The following ITIH3 variants were observed in gnomAD, a reference collection of about 807,000 sequenced individuals.
ITIH3 encodes inter-alpha-trypsin inhibitor heavy chain 3.
ITIH3 carries 81 observed loss-of-function variants against 96.5 expected under a neutral mutation model. That is an observed-to-expected ratio of 0.84 (90% CI 0.70 to 1.01). The LOEUF is 1.01. ITIH3 is among the 50% of genes least tolerant of loss of function. The pLI is 0.00. For missense variants in ITIH3, 1,057 were observed against 1,139.3 expected (o/e 0.93, Z 1.04); for synonymous variants, 422 against 445.2 (o/e 0.95, Z 0.66).
Position 52,797,131 on chromosome 3 carries a change from TCA to T in ITIH3, c.416_417del (p.Thr139SerfsTer37), listed in dbSNP as rs759933807. 3.7e-6 allele frequency: 6 copies of T among 1,609,872 alleles called. No homozygotes were observed. The South Asian group carries it at 6.7e-5, about 18-fold the overall frequency. On this transcript the variant is annotated frameshift_variant, in exon 5 of 22. Transcript: ENST00000449956. LOFTEE classifies it high-confidence loss of function. ...GCCTCTGGGAGGAAGTTGGAGAAGT[TCA>T]CAGTCTCGGTCAACGTGGCTGCAGG...
intron 5 of ITIH3, 33 bp from the exon 6 acceptor site, chr3:52,797,784 C>A: frequency 7.1e-7 from 1 of 1,417,790 alleles, no homozygotes; most frequent in Non-Finnish European, 9.8e-7. Flanking sequence ...TCTGAGGTCA[C>A]TGAGTGACAT....
intron 1 of ITIH3, among the ~76,000 whole-genome samples, chr3:52,795,117 C>T (rs1448447973): frequency 2.0e-5 from 3 of 152,222 alleles, no homozygotes; most frequent in Non-Finnish European, 4.4e-5. Flanking sequence ...GCCTCAGCTT[C>T]CCCACCTGTC....
intron 5 of ITIH3, among the ~76,000 whole-genome samples, 151 bp downstream of exon 5, chr3:52,797,418 T>C (rs1466866805): frequency 1.3e-5 from 2 of 152,198 alleles, no homozygotes; most frequent in Admixed American, 1.3e-4. Flanking sequence ...TCAATGGTTC[T>C]GGCCAAAAGC....
chr3:52,800,282 C>A, intron 9 of ITIH3: 1 of 561,914 alleles, frequency 1.8e-6, no homozygotes, highest in Non-Finnish European at 3.2e-6. Flanking sequence ...TCCAACTCTG[C>A]CAAAGGGCTT....
At position 52,795,589 on chromosome 3, in the gene ITIH3, T is replaced by C. The variant is rs769515169; in HGVS notation, c.94-14T>C. The C allele has an allele frequency of 5.0e-6, 8 of 1,610,308 alleles. No homozygotes were observed. The highest frequency in any genetic ancestry group is 6.8e-6 in the Non-Finnish European group (8 of 1,178,288). On this transcript the variant is annotated splice_polypyrimidine_tract_variant and intron_variant, in intron 1 of 21. Transcript: ENST00000449956. ...GCCTGATTCCTGTGTTTGTGTTTGTTTTTGTTTTTTCAGAAACGGAGCCTC... is the reference window on the plus strand; with the variant it reads ...GCCTGATTCCTGTGTTTGTGTTTGTCTTTGTTTTTTCAGAAACGGAGCCTC...
At chr3:52,797,965 G>C (rs1278321496) in intron 6 of ITIH3, 35 bp downstream of exon 6, 2 of 1,297,910 alleles carry the variant, frequency 1.5e-6, no homozygotes, top group South Asian at 2.5e-5. Flanking sequence ...GGTGGGGCAG[G>C]GGACAGGAAT....
chr3:52,799,505 G>A lies in ITIH3; in HGVS notation c.906+17G>A, dbSNP rs1341017720. The A allele has an allele frequency of 1.2e-5, 19 of 1,564,686 alleles. No individual in the cohort carries two copies. The highest frequency in any genetic ancestry group is 1.4e-5 in the Non-Finnish European group (16 of 1,147,112). ...TTAGAGCAGGTAATCAGCACCAGTG[G>A]CACAGCCAGGGCTCGGGGTAGTAGG... is the stretch of plus-strand genomic sequence containing the variant. On this transcript the variant is annotated intron_variant, in intron 8 of 21. Transcript: ENST00000449956.
intron 19 of ITIH3, among the ~76,000 whole-genome samples, chr3:52,807,371 T>C (rs1362109765): frequency 6.6e-6 from 1 of 152,176 alleles, no homozygotes; most frequent in African/African-American, 2.4e-5. Context: ...CCCATTTGCC[T>C]CTTCTGTGGC....
rs775526762 is a variant in ITIH3 at position 52,797,170 on chromosome 3, C to G, written c.452C>G (p.Thr151Ser). 16 of 1,609,418 alleles carry G rather than the reference C, an allele frequency of 9.9e-6. No individual in the cohort carries two copies. Among genetic ancestry groups the G allele is most frequent in the Non-Finnish European group, 1.4e-5 (16 of 1,178,102 alleles). ...SVNVAAGSKV[T>S]FELTYEELLK... ...AACGTGGCTGCAGGCAGCAAAGTCA[C>G]CTTCGAGCTAACCTACGAGGAGCTG... Residue 151 changes from threonine (T) to serine (S), a missense_variant, in exon 5 of 22, where the codon ACC (threonine) becomes AGC (serine). Transcript: ENST00000449956.
intron 21 of ITIH3, 131 bp downstream of exon 21, chr3:52,808,352 G>T: frequency 9.6e-7 from 1 of 1,041,498 alleles, no homozygotes; most frequent in African/African-American, 1.6e-5. Flanking sequence ...TGAGGTCTTG[G>T]CCCCTCCCAG....
intron 13 of ITIH3, among the ~76,000 whole-genome samples, chr3:52,803,137 G>C (rs1353647304): frequency 1.3e-5 from 2 of 152,248 alleles, no homozygotes; most frequent in Non-Finnish European, 2.9e-5. Flanking sequence ...AGAGGGCAGA[G>C]CTGAGCCCAC....
At chr3:52,808,289 G>A (rs1700129346) in intron 21 of ITIH3, 68 bp downstream of exon 21, 2 of 1,343,452 alleles carry the variant, frequency 1.5e-6, no homozygotes, top group Non-Finnish European at 2.1e-6. Flanking sequence ...CTGCAGCCCA[G>A]GCACATTAGT....
intron 17 of ITIH3, 21 bp from the exon 18 acceptor site, chr3:52,806,272 C>T (rs776753279): frequency 6.2e-7 from 1 of 1,610,244 alleles, no homozygotes; most frequent in East Asian, 2.2e-5. Context: ...GGAGTCAGCT[C>T]CTTCTCTAAT....
At chr3:52,800,039 G>T in intron 9 of ITIH3, 118 bp downstream of exon 9, 1 of 964,270 alleles carries the variant, frequency 1.0e-6, no homozygotes, top group African/African-American at 1.6e-5. Context: ...GATCTGAGCT[G>T]GGGTAGAGGT....
rs1296710673 is a variant in ITIH3, at chr3:52,807,802, A to G, written c.2317A>G (p.Thr773Ala). 1.2e-6 allele frequency: 2 copies of G among 1,612,460 alleles called. No homozygotes were observed. Among genetic ancestry groups the G allele is most frequent in the Non-Finnish European group, 1.7e-6 (2 of 1,179,342 alleles). The change falls in exon 20 of 22, where the codon ACC becomes GCC. Residue 773 changes from threonine (T) to alanine (A), a missense_variant. Coordinates refer to ENST00000449956, the MANE Select transcript of ITIH3 (RefSeq NM_002217.4). ...GGTGGTCTCCTTTGGAGATGGGGTT[A>G]CCTTCGTGGTCGTCCTACACCAGGT... Reference protein sequence around the residue: ...NMVVSFGDGVTFVVVLHQVWK... With the variant: ...NMVVSFGDGVAFVVVLHQVWK...
intron 19 of ITIH3, 118 bp from the exon 20 acceptor site, chr3:52,807,629 G>C: frequency 2.3e-6 from 2 of 872,828 alleles, no homozygotes; most frequent in East Asian, 5.3e-5. Flanking sequence ...ATAGTTTCTG[G>C]AGTCTGTGGG....
intron 1 of ITIH3, 131 bp from the exon 2 acceptor site, chr3:52,795,472 G>A: frequency 1.1e-6 from 1 of 893,478 alleles, no homozygotes; most frequent in South Asian, 1.7e-5. Flanking sequence ...CTATGTCTGG[G>A]GGCCACTCAG....
chr3:52,803,983 G>C lies in ITIH3; in HGVS notation c.1838G>C (p.Arg613Thr). Reference protein sequence around the residue: ...VTKPEDNEDERAIADKPGEDA... With the variant: ...VTKPEDNEDETAIADKPGEDA... ...AAGCCTGAGGACAACGAGGATGAGA[G>C]GGCCATTGCCGACAAGCCTGGGGAA... The change falls in exon 14 of 22, where the codon AGG becomes ACG. Residue 613 changes from arginine (R) to threonine (T), a missense_variant. By Grantham distance (71) the Arg-to-Thr change is moderately conservative. Transcript: ENST00000449956. 1 of 1,613,592 alleles carries C rather than the reference G, an allele frequency of 6.2e-7. No homozygotes were observed. Among genetic ancestry groups the C allele is most frequent in the Non-Finnish European group, 8.5e-7 (1 of 1,179,752 alleles).
At position 52,808,492 on chromosome 3, in the gene ITIH3, G is replaced by A. The variant is rs1578764861; in HGVS notation, c.2544-60G>A. ...CCCACCCTTTTTCAATCTCAGGTCC[G>A]CTAGCCTAGCAGCCATCTTACCCAC... On this transcript the variant is annotated intron_variant, in intron 21 of 21. Coordinates refer to ENST00000449956, the MANE Select transcript of ITIH3 (RefSeq NM_002217.4). The A allele has an allele frequency of 9.4e-6, 15 of 1,590,582 alleles. No individual in the cohort carries two copies. In the East Asian group the frequency reaches 2.0e-4, roughly 22 times the overall value.
Sources: allele counts gnomAD v4.1 joint callset (sites outside exome capture counted in the v4.1 genomes callset), GRCh38; gene constraint gnomAD v4.1.1; transcripts MANE v1.5; gene names NCBI Gene and HGNC (gene_info 2026-07-23, HGNC 2026-07-21).